Variants in NCKAP5 observed in about 807,000 individuals in gnomAD.
NCKAP5 encodes nck-associated protein 5.
NCKAP5 carries 92 observed loss-of-function variants against 167.0 expected under a neutral mutation model. The observed-to-expected ratio is 0.55, with a 90% CI of 0.47 to 0.66. The LOEUF (loss-of-function observed/expected upper bound fraction) is 0.66, where lower values mean the gene tolerates loss of function less well. Ranked by LOEUF, NCKAP5 falls within the 30% of genes least tolerant of loss-of-function variation. The pLI, the probability that NCKAP5 is intolerant of heterozygous loss-of-function variation, is 0.00. For missense variants in NCKAP5, 2,378 were observed against 2,315.0 expected, an observed-to-expected ratio of 1.03 and a Z score of -0.56; for synonymous variants, 891 against 877.4, an observed-to-expected ratio of 1.02 and a Z score of -0.27.
chr2:133,398,604 A>T (rs1687903041), intron 3 of NCKAP5, among the ~76,000 whole-genome samples: 1 of 152,240 alleles, frequency 6.6e-6, no homozygotes, highest in Non-Finnish European at 1.5e-5. Flanking sequence ...GAATTAGAGG[A>T]AAATATGTCT....
At chr2:133,153,970 A>G (rs2083477940) in intron 5 of NCKAP5, among the ~76,000 whole-genome samples, 1 of 150,754 alleles carries the variant, frequency 6.6e-6, no homozygotes, top group Admixed American at 6.7e-5. Flanking sequence ...CCTCCTGAGT[A>G]GCTGGGATTA....
intron 3 of NCKAP5, among the ~76,000 whole-genome samples, chr2:133,307,645 A>G (rs1680877311): frequency 1.3e-5 from 2 of 152,230 alleles, no homozygotes; most frequent in African/African-American, 4.8e-5. Flanking sequence ...ATTCCCAATT[A>G]AGTAGCTCCT....
chr2:133,023,150 ACAAT>A (rs1424773621), intron 6 of NCKAP5, among the ~76,000 whole-genome samples: 1 of 152,178 alleles, frequency 6.6e-6, no homozygotes, highest in Non-Finnish European at 1.5e-5. Context: ...AGAGATTGAG[ACAAT>A]CAATGTGTGT....
intron 4 of NCKAP5, among the ~76,000 whole-genome samples, chr2:133,259,576 G>C (rs2088802332): frequency 6.6e-6 from 1 of 152,172 alleles, no homozygotes; most frequent in African/African-American, 2.4e-5. Flanking sequence ...GTGACTGAGG[G>C]ATGTCCTCAA....
chr2:133,441,090 ACACT>A (rs1175560500), intron 3 of NCKAP5, among the ~76,000 whole-genome samples: 3 of 49,856 alleles, frequency 6.0e-5, no homozygotes, highest in South Asian at 8.4e-4. Flanking sequence ...ACAGACACAC[ACACT>A]CACACACACA....
intron 5 of NCKAP5, among the ~76,000 whole-genome samples, chr2:133,132,624 A>C (rs932556758): frequency 1.3e-5 from 2 of 152,056 alleles, no homozygotes; most frequent in African/African-American, 2.4e-5. Context: ...TTAATCCATC[A>C]AAACTTGACA....
chr2:133,393,860 A>G (rs1022565676), intron 3 of NCKAP5, among the ~76,000 whole-genome samples: 1 of 152,248 alleles, frequency 6.6e-6, no homozygotes, highest in East Asian at 1.9e-4. Flanking sequence ...TCCAAAGGCA[A>G]TTAGTGTTAG....
At chr2:133,173,395 C>T (rs755117286) in intron 5 of NCKAP5, among the ~76,000 whole-genome samples, 2 of 152,074 alleles carry the variant, frequency 1.3e-5, no homozygotes, top group African/African-American at 4.8e-5. Flanking sequence ...TCAATGAAGC[C>T]CTGACTTGTG....
At chr2:133,082,283 C>G (rs1253513516) in intron 6 of NCKAP5, among the ~76,000 whole-genome samples, 1 of 152,228 alleles carries the variant, frequency 6.6e-6, no homozygotes, top group Non-Finnish European at 1.5e-5. Context: ...TTCCTCCCAG[C>G]ACACACAGGT....
intron 6 of NCKAP5, among the ~76,000 whole-genome samples, chr2:133,053,300 G>A (rs1439875706): frequency 2.0e-5 from 3 of 152,134 alleles, no homozygotes; most frequent in Admixed American, 6.6e-5. Context: ...TCCTGGAGGA[G>A]GGATTTGACT....
intron 4 of NCKAP5, among the ~76,000 whole-genome samples, chr2:133,235,782 T>C (rs1007446365): frequency 6.6e-6 from 1 of 151,566 alleles, no homozygotes; most frequent in Non-Finnish European, 1.5e-5. Context: ...CATGCACCTG[T>C]AATCCCAGCT....
intron 8 of NCKAP5, among the ~76,000 whole-genome samples, chr2:132,950,985 T>A (rs1574744849): frequency 6.6e-6 from 1 of 152,188 alleles, no homozygotes; most frequent in Non-Finnish European, 1.5e-5. Context: ...TGGATATGAT[T>A]ACAAATGAGA....
chr2:133,619,823 C>G, the NCKAP5 span, among the ~76,000 whole-genome samples: 1 of 151,888 alleles, frequency 6.6e-6, no homozygotes, highest in Non-Finnish European at 1.5e-5. Flanking sequence ...AAAGTCAAGA[C>G]GAAGGAAAAC....
At chr2:133,485,383 T>A (rs1680822116) in intron 3 of NCKAP5, among the ~76,000 whole-genome samples, 2 of 152,170 alleles carry the variant, frequency 1.3e-5, no homozygotes. Context: ...GATTTACCCA[T>A]TAGCATGAAA....
At chr2:133,249,604 A>T (rs372579898) in intron 4 of NCKAP5, among the ~76,000 whole-genome samples, 22 of 152,318 alleles carry the variant, frequency 1.4e-4, no homozygotes, top group African/African-American at 4.8e-4. Context: ...GACGTTAGTC[A>T]CCCTTCCTCC....
intron 8 of NCKAP5, among the ~76,000 whole-genome samples, chr2:132,957,440 A>C (rs984604224): frequency 4.4e-4 from 67 of 152,320 alleles, no homozygotes; most frequent in Middle Eastern, 3.4e-3. Flanking sequence ...CACTGACTAC[A>C]TGACCTTGGG....
chr2:133,600,646 T>A, the NCKAP5 span, among the ~76,000 whole-genome samples: 1 of 152,224 alleles, frequency 6.6e-6, no homozygotes, highest in Non-Finnish European at 1.5e-5. Context: ...TGTGGCACTT[T>A]CTCAATTTGA....
At chr2:133,078,009 G>C (rs2080669811) in intron 6 of NCKAP5, among the ~76,000 whole-genome samples, 1 of 152,180 alleles carries the variant, frequency 6.6e-6, no homozygotes, top group Non-Finnish European at 1.5e-5. Flanking sequence ...GTGAGGTTAA[G>C]AGACCAACAT....
At chr2:132,909,575 AC>A (rs1374969186) in intron 8 of NCKAP5, among the ~76,000 whole-genome samples, 1 of 152,194 alleles carries the variant, frequency 6.6e-6, no homozygotes, top group Non-Finnish European at 1.5e-5. Context: ...AATATCCAGT[AC>A]TTGGAATGTA....
Sources: allele counts gnomAD v4.1 joint callset (sites outside exome capture counted in the v4.1 genomes callset), GRCh38; gene constraint gnomAD v4.1.1; transcripts MANE v1.5; gene names NCBI Gene and HGNC (gene_info 2026-07-23, HGNC 2026-07-21).